ABHD17B: variants seen among roughly 807,000 people sequenced by gnomAD.
ABHD17B encodes abhydrolase domain containing 17B, depalmitoylase, also known as alpha/beta hydrolase domain-containing protein 17B.
In ABHD17B, 9 loss-of-function variants were observed where a neutral mutation model predicts 26.2. That is an observed-to-expected ratio of 0.34 (90% CI 0.21 to 0.60). The LOEUF (loss-of-function observed/expected upper bound fraction) is 0.60, where lower values mean the gene tolerates loss of function less well. ABHD17B is among the 20% of genes least tolerant of loss of function. ABHD17B has a pLI of 0.80. For missense variants in ABHD17B, 224 were observed against 352.1 expected, an observed-to-expected ratio of 0.64 and a Z score of 2.91; for synonymous variants, 127 against 122.3, an observed-to-expected ratio of 1.04 and a Z score of -0.25.
At chr9:71,901,188 A>T (rs1395987714) in intron 1 of ABHD17B, among the ~76,000 whole-genome samples, 1 of 151,670 alleles carries the variant, frequency 6.6e-6, no homozygotes, top group Non-Finnish European at 1.5e-5. Context: ...TTTTTTTTGC[A>T]TGTATCTGTA....
rs1826524076 is a variant in ABHD17B at position 71,883,847 on chromosome 9, G to T, written c.-3-8764C>A. 2.0e-5 allele frequency among the ~76,000 whole-genome samples: 3 copies of T among 151,984 alleles called. No individual in the cohort carries two copies. In the South Asian group the frequency reaches 6.2e-4, roughly 31 times the overall value. ...AGCTACTCGGGAGGCTGAGGCAGAA[G>T]AATCACTTGAGCCTGGGAGGCAGAG... is the stretch of plus-strand genomic sequence containing the variant. On this transcript the variant is annotated intron_variant, in intron 1 of 3. Transcript: ENST00000333421.
intron 1 of ABHD17B, among the ~76,000 whole-genome samples, chr9:71,905,285 G>A (rs1000261055): frequency 6.6e-6 from 1 of 151,904 alleles, no homozygotes; most frequent in African/African-American, 2.4e-5. Context: ...ACTACACCCG[G>A]CTAAGTTTTG....
chr9:71,878,187 A>C lies in ABHD17B; in HGVS notation c.-3-3104T>G, dbSNP rs111881750. Among the ~76,000 whole-genome samples, 568 of 152,332 alleles carry C rather than the reference A, an allele frequency of 3.7e-3. 3 individuals are homozygous for C. Among genetic ancestry groups the C allele is most frequent in the Middle Eastern group, 0.014 (4 of 294 alleles). ...AGCTTGTTAAACTTAGATAATTTCA[A>C]GTCCAACTTGTTCTTATAAAACTCA... On this transcript the variant is annotated intron_variant, in intron 1 of 3. Transcript: ENST00000333421.
intron 2 of ABHD17B, among the ~76,000 whole-genome samples, chr9:71,873,841 T>C (rs1203786744): frequency 6.6e-6 from 1 of 152,180 alleles, no homozygotes; most frequent in Non-Finnish European, 1.5e-5. Flanking sequence ...CCTAAAAAAT[T>C]TTTTTAAACT....
chr9:71,905,429 C>G (rs1157186859), intron 1 of ABHD17B, among the ~76,000 whole-genome samples: 1 of 152,180 alleles, frequency 6.6e-6, no homozygotes, highest in African/African-American at 2.4e-5. Context: ...CCATTTCATA[C>G]TCCTCAGAAT....
chr9:71,879,367 A>G (rs536581334), intron 1 of ABHD17B, among the ~76,000 whole-genome samples: 17 of 152,340 alleles, frequency 1.1e-4, no homozygotes, highest in African/African-American at 4.1e-4. Flanking sequence ...TTGACAAAAG[A>G]GAGACTACTT....
intron 1 of ABHD17B, among the ~76,000 whole-genome samples, chr9:71,889,723 A>T (rs1041767718): frequency 6.6e-5 from 10 of 152,152 alleles, no homozygotes; most frequent in African/African-American, 2.4e-4. Flanking sequence ...TTGTAGAATT[A>T]TTTGGCTTCC....
Position 71,882,989 on chromosome 9 carries a change from C to T in ABHD17B, c.-3-7906G>A, listed in dbSNP as rs7865701. On this transcript the variant is annotated intron_variant, in intron 1 of 3. Transcript: ENST00000333421. Reference sequence around the variant, plus strand: ...TGAAACCCTATCTCTACTAAAAATGCAAAAATTAGCCAGGCATGGTGGCAC... The same window carrying T: ...TGAAACCCTATCTCTACTAAAAATGTAAAAATTAGCCAGGCATGGTGGCAC... Among the ~76,000 whole-genome samples the T allele has an allele frequency of 9.1e-3, 1,379 of 151,302 alleles. 21 individuals carry two copies. The highest frequency in any genetic ancestry group is 0.031 in the African/African-American group (1,279 of 41,238).
At position 71,883,050 on chromosome 9, in the gene ABHD17B, G is replaced by A. The variant is rs534521898; in HGVS notation, c.-3-7967C>T. On this transcript the variant is annotated intron_variant, in intron 1 of 3. Transcript: ENST00000333421. ...TCCCAGCTACTCAGAGGCTGAGGCA[G>A]GAGAATCGTTTGAACCTGGGAGGCG... Among the ~76,000 whole-genome samples, 372 of 152,114 alleles carry A rather than the reference G, an allele frequency of 2.4e-3. 2 individuals carry two copies. Among genetic ancestry groups the A allele is most frequent in the African/African-American group, 8.5e-3 (351 of 41,504 alleles).
At position 71,874,821 on chromosome 9, in the gene ABHD17B, G is replaced by A. The variant is rs1447671325; in HGVS notation, c.260C>T (p.Ser87Leu). 3.2e-5 allele frequency: 51 copies of A among 1,614,068 alleles called. No homozygotes were observed. The highest frequency in any genetic ancestry group is 4.2e-5 in the Non-Finnish European group (50 of 1,180,038). Residue 87 changes from serine (S) to leucine (L), a missense_variant, in exon 2 of 4, where the codon TCA (serine) becomes TTA (leucine). Transcript: ENST00000333421. ...NRIACMFVRCSPNAKYTLLFS... is the reference protein window; with the variant it reads ...NRIACMFVRCLPNAKYTLLFS... ...GAGTAAAGTGTATTTCGCATTGGGT[G>A]AACAACGTACAAACATACAAGCAAT...
intron 1 of ABHD17B, among the ~76,000 whole-genome samples, chr9:71,901,192 A>G (rs1366458196): frequency 6.6e-6 from 1 of 151,822 alleles, no homozygotes; most frequent in Non-Finnish European, 1.5e-5. Context: ...TTTTGCATGT[A>G]TCTGTATCTA....
intron 1 of ABHD17B, among the ~76,000 whole-genome samples, chr9:71,908,591 A>G (rs2132221019): frequency 6.6e-6 from 1 of 152,238 alleles, no homozygotes; most frequent in Admixed American, 6.5e-5. Context: ...AACCAATAAA[A>G]TATACTCTAT....
chr9:71,894,026 T>G (rs1378681192), intron 1 of ABHD17B, among the ~76,000 whole-genome samples: 1 of 129,654 alleles, frequency 7.7e-6, no homozygotes, highest in East Asian at 2.4e-4. Flanking sequence ...GGACAGCGCT[T>G]GCAGCGAGCT....
chr9:71,911,088 C>T lies in ABHD17B; in HGVS notation c.-458G>A, dbSNP rs1377095945. Among the ~76,000 whole-genome samples, 4 of 152,160 alleles carry T rather than the reference C, an allele frequency of 2.6e-5. No individual in the cohort carries two copies. The highest frequency in any genetic ancestry group is 2.9e-5 in the Non-Finnish European group (2 of 68,030). On this transcript the variant is annotated 5_prime_UTR_variant, in exon 1 of 4. Coordinates refer to ENST00000333421, the MANE Select transcript of ABHD17B (RefSeq NM_001025780.3). ...CTTTAATCCTGCTTTCTTTGCTCCT[C>T]CTCAGCCTGCCAAGCGCGAGGCTCG...
rs150563379 is a variant in ABHD17B at position 71,898,341 on chromosome 9, A to C, written c.-4+12293T>G. Among the ~76,000 whole-genome samples, 564 of 152,116 alleles carry C rather than the reference A, an allele frequency of 3.7e-3. 3 individuals are homozygous for C. The highest frequency in any genetic ancestry group is 0.014 in the Middle Eastern group (4 of 294). On this transcript the variant is annotated intron_variant, in intron 1 of 3. Transcript: ENST00000333421. ...GGGTGCATGGTGGAAAGGAAGTAAAAACATGGGAGGCTGGGCATGGTGGCT... is the reference window on the plus strand; with the variant it reads ...GGGTGCATGGTGGAAAGGAAGTAAACACATGGGAGGCTGGGCATGGTGGCT...
intron 1 of ABHD17B, among the ~76,000 whole-genome samples, chr9:71,882,484 C>A (rs986402136): frequency 1.3e-5 from 2 of 152,054 alleles, no homozygotes; most frequent in African/African-American, 4.8e-5. Flanking sequence ...CATGGTGAAA[C>A]CCCGCCTCTA....
intron 2 of ABHD17B, among the ~76,000 whole-genome samples, chr9:71,873,769 G>C (rs1422189496): frequency 6.6e-6 from 1 of 152,024 alleles, no homozygotes; most frequent in Non-Finnish European, 1.5e-5. Context: ...TCCTGACCTT[G>C]TGATTCGCCT....
chr9:71,895,533 T>C (rs993881074), intron 1 of ABHD17B, among the ~76,000 whole-genome samples: 13 of 152,224 alleles, frequency 8.5e-5, no homozygotes, highest in African/African-American at 2.7e-4. Context: ...AAGGAGGCTA[T>C]GACCCAGTAT....
chr9:71,870,412 A>G (rs1826077435), intron 2 of ABHD17B, 150 bp from the exon 3 acceptor site: 2 of 589,954 alleles, frequency 3.4e-6, no homozygotes, highest in Non-Finnish European at 5.3e-6. Context: ...TGTTAGTTTT[A>G]ACATTACAAT....
Sources: allele counts gnomAD v4.1 joint callset (sites outside exome capture counted in the v4.1 genomes callset), GRCh38; gene constraint gnomAD v4.1.1; transcripts MANE v1.5; gene names NCBI Gene and HGNC (gene_info 2026-07-23, HGNC 2026-07-21).